Variants in LRP4 observed in about 807,000 individuals in gnomAD.
LRP4 encodes the protein low-density lipoprotein receptor-related protein 4.
A neutral mutation model predicts 220.3 loss-of-function variants in LRP4; 95 were observed. The ratio of observed to expected loss-of-function variants is 0.43; its 90% confidence interval spans 0.37 to 0.51. The LOEUF (loss-of-function observed/expected upper bound fraction) is 0.51, where lower values mean the gene tolerates loss of function less well. Ranked by LOEUF, LRP4 falls within the 20% of genes least tolerant of loss-of-function variation. LRP4 has a pLI of 0.00. For missense variants in LRP4, 1,925 were observed against 2,567.0 expected (o/e 0.75, Z 5.40); for synonymous variants, 903 against 954.6 (o/e 0.95, Z 1.00).
At chr11:46,900,474 C>G in intron 2 of LRP4, 96 bp from the exon 3 acceptor site, 1 of 807,366 alleles carries the variant, frequency 1.2e-6, no homozygotes. Context: ...ATCCCCTTGT[C>G]TTTTTTTCTT....
At position 46,873,099 on chromosome 11, in the gene LRP4, C is replaced by A; in HGVS notation, c.4583+1G>T. ...GAGGCTGTTTGATGCAAGACTCCCA[C>A]CTGCGGGTATCATAGTCCAGGGTAA... On this transcript the variant is annotated splice_donor_variant, in intron 30 of 37. Coordinates refer to ENST00000378623, the MANE Select transcript of LRP4 (RefSeq NM_002334.4). LOFTEE classifies it high-confidence loss of function. This position sits in a 1 kb window ranked among gnomAD's most constrained non-coding sequence, Gnocchi z 4.2. 1.2e-6 allele frequency: 2 copies of A among 1,614,234 alleles called. No individual in the cohort carries two copies. Among genetic ancestry groups the A allele is most frequent in the Non-Finnish European group, 8.5e-7 (1 of 1,180,046 alleles).
At chr11:46,907,003 C>A (rs1592552086) in intron 1 of LRP4, among the ~76,000 whole-genome samples, 1 of 152,342 alleles carries the variant, frequency 6.6e-6, no homozygotes, top group East Asian at 1.9e-4. Context: ...ACTGCTGTCC[C>A]TCTGGGGTCC....
At chr11:46,891,428 TAC>T (rs57116396) in intron 13 of LRP4, among the ~76,000 whole-genome samples, 3,604 of 147,138 alleles carry the variant, frequency 0.024, 96 homozygotes, top group African/African-American at 0.071. Flanking sequence ...TTGTATTTTA[TAC>T]ACACACACAC....
chr11:46,884,183 C>T (rs1195260184), intron 18 of LRP4, among the ~76,000 whole-genome samples: 1 of 152,180 alleles, frequency 6.6e-6, no homozygotes, highest in East Asian at 1.9e-4. Flanking sequence ...CTTGAAAGAG[C>T]AAGACTTCCC....
chr11:46,859,364 AG>A, intron 37 of LRP4, 49 bp from the exon 38 acceptor site: 3 of 1,385,020 alleles, frequency 2.2e-6, no homozygotes, highest in African/African-American at 2.8e-5. Flanking sequence ...CCTTCTACAA[AG>A]GATCCCATGG....
At chr11:46,896,763 A>C (rs1489883596) in intron 8 of LRP4, 106 bp downstream of exon 8, 1 of 1,551,556 alleles carries the variant, frequency 6.4e-7, no homozygotes, top group South Asian at 1.1e-5. Flanking sequence ...TGGATTTTAC[A>C]CTGGTAAAAC....
In LRP4 at chr11:46,868,923, G is replaced by A. The variant is rs145487698; in HGVS notation, c.4837+65C>T. ...GCCCTAACTGTCTTGGTCCCTAACAGTCCTTGGGTTGACCGACCAATCCCA... is the reference window on the plus strand; with the variant it reads ...GCCCTAACTGTCTTGGTCCCTAACAATCCTTGGGTTGACCGACCAATCCCA... On this transcript the variant is annotated intron_variant, in intron 32 of 37. Coordinates refer to ENST00000378623, the MANE Select transcript of LRP4 (RefSeq NM_002334.4). 63 of 1,606,670 alleles carry A rather than the reference G, an allele frequency of 3.9e-5. 1 individual carries two copies. In the East Asian group the frequency reaches 1.4e-3, roughly 36 times the overall value.
At chr11:46,859,413 G>A (rs1940479393) in intron 37 of LRP4, 98 bp from the exon 38 acceptor site, 6 of 891,012 alleles carry the variant, frequency 6.7e-6, no homozygotes, top group South Asian at 1.3e-5. Flanking sequence ...AAGAGTAGGA[G>A]TGAAGCGCAC....
rs760528582 is a variant in LRP4 at position 46,875,818 on chromosome 11, C to T, written c.3685G>A (p.Asp1229Asn). ...DKASSQLLWA[D>N]AHTERIEAAD... ...ACGGCTCTCACCTCGGTGTGGGCAT[C>T]GGCCCATAGCAGTTGGGAGCTGGCC... is the stretch of plus-strand genomic sequence containing the variant. The change falls in exon 26 of 38, where the codon GAT becomes AAT. Residue 1229 changes from aspartate to asparagine, a missense_variant. Asp to Asn is a conservative substitution (Grantham distance 23). Coordinates refer to ENST00000378623, the MANE Select transcript of LRP4 (RefSeq NM_002334.4). The surrounding 1 kb of genome is among the most constrained non-coding windows in gnomAD (Gnocchi z 4.5). The T allele has an allele frequency of 2.5e-6, 4 of 1,614,066 alleles. No individual in the cohort carries two copies. Among genetic ancestry groups the T allele is most frequent in the East Asian group, 2.2e-5 (1 of 44,874 alleles).
intron 1 of LRP4, among the ~76,000 whole-genome samples, chr11:46,916,205 G>A (rs180744723): frequency 2.6e-5 from 4 of 152,238 alleles, no homozygotes; most frequent in East Asian, 1.9e-4. Context: ...TTGGGAGGCC[G>A]AGGCAGGTGG....
chr11:46,865,279 G>A (rs1940665061), intron 34 of LRP4, 93 bp from the exon 35 acceptor site: 2 of 853,394 alleles, frequency 2.3e-6, no homozygotes, highest in African/African-American at 3.3e-5. Flanking sequence ...TGTAAGTGGG[G>A]GCTTTCAGGT....
rs1489995247 is a variant in LRP4 at position 46,897,360 on chromosome 11, TTATTTTTA to T, written c.797-374_797-367del. ...TTTTTTTTTTTTTCTTTTTATTTTT[TTATTTTTA>T]TTTTTTTTTATTTTTTAATTTTTTT... On this transcript the variant is annotated intron_variant, in intron 7 of 37. Transcript: ENST00000378623. Among the ~76,000 whole-genome samples, 76 of 106,850 alleles carry T rather than the reference TTATTTTTA, an allele frequency of 7.1e-4. No homozygotes were observed. The East Asian group carries it at 7.8e-3, about 11-fold the overall frequency. 70.1% of individuals were successfully genotyped at this position (106,850 alleles called of 152,430 possible).
Position 46,899,501 on chromosome 11 carries a change from T to TCCCCCCAGACATGCGCAA in LRP4, c.432_433insTTGCGCATGTCTGGGGGG (p.Asp144_Met145insLeuArgMetSerGlyGly). The TCCCCCCAGACATGCGCAA allele has an allele frequency of 6.2e-7, 1 of 1,609,854 alleles. No homozygotes were observed. Among genetic ancestry groups the TCCCCCCAGACATGCGCAA allele is most frequent in the Non-Finnish European group, 8.5e-7 (1 of 1,176,660 alleles). On this transcript the variant is annotated inframe_insertion and splice_region_variant, in exon 5 of 38. Transcript: ENST00000378623. The surrounding 1 kb of genome is among the most constrained non-coding windows in gnomAD (Gnocchi z 5.9). ...AACTCCTTGTCGGAGCACTTGCGCA[T>TCCCCCCAGACATGCGCAA]GTCTGGGGGGATGCGATGGGACAGC...
At chr11:46,865,307 G>A in intron 34 of LRP4, 121 bp from the exon 35 acceptor site, 1 of 737,742 alleles carries the variant, frequency 1.4e-6, no homozygotes. Flanking sequence ...TGTACAAGAT[G>A]GAAGACATCA....
At chr11:46,905,270 A>G (rs1179215542) in intron 1 of LRP4, among the ~76,000 whole-genome samples, 1 of 152,226 alleles carries the variant, frequency 6.6e-6, no homozygotes, top group East Asian at 1.9e-4. Flanking sequence ...GAACTTCAGT[A>G]GTATGACAGG....
chr11:46,881,910 A>AAAGGC lies in LRP4; in HGVS notation c.2613-12_2613-8dup, dbSNP rs1223620852. 5 of 1,614,032 alleles carry AAAGGC rather than the reference A, an allele frequency of 3.1e-6. No homozygotes were observed. Among genetic ancestry groups the AAAGGC allele is most frequent in the African/African-American group, 1.3e-5 (1 of 74,934 alleles). ...GTCAGTCCAATACATGTACCTGGGC[A>AAAGGC]AAGGCAAGGCAAGGCAGGTCTTACA... is the stretch of plus-strand genomic sequence containing the variant. On this transcript the variant is annotated splice_polypyrimidine_tract_variant and splice_region_variant and intron_variant, in intron 19 of 37. Transcript: ENST00000378623.
chr11:46,864,419 T>C (rs1165268452), intron 36 of LRP4, 29 bp downstream of exon 36: 1 of 1,508,826 alleles, frequency 6.6e-7, no homozygotes, highest in Non-Finnish European at 9.2e-7. Flanking sequence ...CCAATGAGCA[T>C]GTGGCCCCTG....
intron 36 of LRP4, among the ~76,000 whole-genome samples, 197 bp downstream of exon 36, chr11:46,864,251 G>A (rs1201700149): frequency 3.9e-5 from 6 of 152,188 alleles, no homozygotes; most frequent in African/African-American, 1.4e-4. Flanking sequence ...ATTCAATAAG[G>A]AAAATGCTTA....
chr11:46,887,338 G>C (rs1048330487), intron 16 of LRP4, among the ~76,000 whole-genome samples: 1 of 152,190 alleles, frequency 6.6e-6, no homozygotes, highest in Non-Finnish European at 1.5e-5. Context: ...GAAGCTGTCA[G>C]GGGACAGGGG....
Sources: gnomAD v4.1 joint callset for allele counts (sites outside exome capture counted in the v4.1 genomes callset) on GRCh38, gnomAD v4.1.1 for gene constraint, Gnocchi (gnomAD v3.1) non-coding constraint, MANE v1.5 for transcripts, NCBI Gene and HGNC (gene_info 2026-07-23, HGNC 2026-07-21) for gene names.